The following ROPN1B variants were observed in gnomAD, a reference collection of about 807,000 sequenced individuals.
ROPN1B encodes the protein rhophilin associated tail protein 1B.
Under a neutral mutation model 23.7 loss-of-function variants are expected in ROPN1B, and 13 were observed. The observed-to-expected ratio is 0.55, with a 90% CI of 0.36 to 0.87. The LOEUF (loss-of-function observed/expected upper bound fraction) is 0.87, where lower values mean the gene tolerates loss of function less well. Among genes scored for constraint, ROPN1B ranks in the 40% least tolerant of loss-of-function variants. The pLI, the probability that ROPN1B is intolerant of heterozygous loss-of-function variation, is 0.01. For missense variants in ROPN1B, 183 were observed against 249.2 expected, an observed-to-expected ratio of 0.73 and a Z score of 1.79; for synonymous variants, 67 against 100.4, an observed-to-expected ratio of 0.67 and a Z score of 1.99.
At chr3:125,978,462 C>G (rs138072158) in intron 5 of ROPN1B, among the ~76,000 whole-genome samples, 4,139 of 152,264 alleles carry the variant, frequency 0.027, 170 homozygotes, top group African/African-American at 0.09. Context: ...GATGCAGTAA[C>G]TGAAACAGCC....
rs754467615 is a variant in ROPN1B, at chr3:125,972,102, A to T, written c.48A>T (p.Lys16Asn). The T allele has an allele frequency of 4.4e-5, 71 of 1,614,242 alleles. No homozygotes were observed. The highest frequency in any genetic ancestry group is 6.0e-5 in the Non-Finnish European group (71 of 1,180,046). Reference protein sequence around the residue: ...KPTCIPPELPKMLKEFAKAAI... With the variant: ...KPTCIPPELPNMLKEFAKAAI... Reference sequence around the variant, plus strand: ...CATGCATCCCGCCGGAGCTGCCGAAAATGCTGAAGGAGTTTGCCAAAGCCG... The same window carrying T: ...CATGCATCCCGCCGGAGCTGCCGAATATGCTGAAGGAGTTTGCCAAAGCCG... Residue 16 changes from lysine to asparagine, a missense_variant, in exon 3 of 7, where the codon AAA becomes AAT. Transcript: ENST00000514116.
intron 1 of ROPN1B, chr3:125,969,886 A>G (rs1317591054): frequency 4.0e-5 from 6 of 149,586 alleles, no homozygotes; most frequent in South Asian, 2.1e-4. Flanking sequence ...CTCCTATCAC[A>G]TATTATTTTA....
rs778327051 is a variant in ROPN1B, at chr3:125,983,286, A to G, written c.605A>G (p.Asp202Gly). ...IGPDGLITVN[D>G]FTQNPRVWLE ...CCTGATGGTTTAATCACGGTGAATG[A>G]CTTTACCCAAAACCCCAGGGTTTGG... Residue 202 changes from aspartate to glycine, a missense_variant, in exon 7 of 7, where the codon GAC (aspartate) becomes GGC (glycine). Around this residue, in one of 3 missense-constraint regions of ROPN1B, gnomAD observed 80 missense variants for 98.0 expected, o/e 0.82. Transcript: ENST00000514116. 1.2e-6 allele frequency: 2 copies of G among 1,613,780 alleles called. No homozygotes were observed. The highest frequency in any genetic ancestry group is 1.1e-5 in the South Asian group (1 of 91,054).
At chr3:125,973,344 T>C (rs931057523) in intron 3 of ROPN1B, 11 of 235,292 alleles carry the variant, frequency 4.7e-5, no homozygotes, top group Non-Finnish European at 8.5e-5. Context: ...GCTTTTACAA[T>C]TGGAAGGAAA....
intron 5 of ROPN1B, among the ~76,000 whole-genome samples, chr3:125,979,861 C>T (rs2107607055): frequency 6.6e-6 from 1 of 152,310 alleles, no homozygotes; most frequent in South Asian, 2.1e-4. Context: ...CCATCTTGAG[C>T]TCTCTGCGTC....
chr3:125,971,045 G>A (rs1345677043), intron 1 of ROPN1B, 72 bp from the exon 2 acceptor site: 3 of 153,654 alleles, frequency 2.0e-5, no homozygotes, highest in Non-Finnish European at 2.9e-5. Context: ...GTTTAGGTCA[G>A]AAGGGGAGTC....
chr3:125,973,778 C>T (rs1034036190), intron 3 of ROPN1B: 7 of 152,338 alleles, frequency 4.6e-5, no homozygotes, highest in Non-Finnish European at 8.8e-5. Context: ...AAGCACTGCT[C>T]AGATGGTTGT....
Position 125,982,381 on chromosome 3 carries a change from G to A in ROPN1B, c.508G>A (p.Glu170Lys), listed in dbSNP as rs751557334. 22 of 1,613,182 alleles carry A rather than the reference G, an allele frequency of 1.4e-5. No homozygotes were observed. The highest frequency in any genetic ancestry group is 1.8e-5 in the Non-Finnish European group (21 of 1,179,694). The change falls in exon 6 of 7, where the codon GAA (glutamate) becomes AAA (lysine). Residue 170 changes from glutamate to lysine, a missense_variant. Transcript: ENST00000514116. ...CCAGTTTCTCTACACGTATATTGCC[G>A]AAGTGGATGGGGAGATCTGTGCATC... ...TFQFLYTYIA[E>K]VDGEICASHV...
In ROPN1B at chr3:125,972,059, C is replaced by T; in HGVS notation, c.5C>T (p.Ala2Val). 2.5e-6 allele frequency: 4 copies of T among 1,614,106 alleles called. No homozygotes were observed. Among genetic ancestry groups the T allele is most frequent in the Non-Finnish European group, 3.4e-6 (4 of 1,179,988 alleles). ...TGAGAATAGGTCAACCAATCAATGGCTCAGACAGATAAGCCAACATGCATC... is the reference window on the plus strand; with the variant it reads ...TGAGAATAGGTCAACCAATCAATGGTTCAGACAGATAAGCCAACATGCATC... M[A>V]QTDKPTCIPP... Residue 2 changes from alanine to valine, a missense_variant, in exon 3 of 7, where the codon GCT becomes GTT. Physicochemically the swap from Ala to Val is moderately conservative, Grantham distance 64. This residue lies in a region of ROPN1B where 97 missense variants were observed against 99.6 expected (regional missense o/e 0.97). Transcript: ENST00000514116.
At chr3:125,975,033 G>A (rs1363259339) in intron 3 of ROPN1B, among the ~76,000 whole-genome samples, 1 of 152,076 alleles carries the variant, frequency 6.6e-6, no homozygotes, top group Non-Finnish European at 1.5e-5. Flanking sequence ...AGTCTGGAGT[G>A]TAGTGGCACA....
At chr3:125,972,265 G>GC (rs1938243238) in intron 3 of ROPN1B, 95 bp downstream of exon 3, 3 of 1,157,606 alleles carry the variant, frequency 2.6e-6, no homozygotes, top group Non-Finnish European at 3.8e-6. Context: ...CAGCCAGGGG[G>GC]TCGGGACTAA....
At chr3:125,982,827 A>C (rs1329837582) in intron 6 of ROPN1B, among the ~76,000 whole-genome samples, 1 of 152,118 alleles carries the variant, frequency 6.6e-6, no homozygotes, top group Non-Finnish European at 1.5e-5. Flanking sequence ...ACAGAAGTGG[A>C]GGAGGAGGAT....
intron 3 of ROPN1B, chr3:125,972,667 T>TC (rs1938261078): frequency 5.5e-6 from 2 of 361,858 alleles, no homozygotes; most frequent in African/African-American, 4.2e-5. Context: ...AGACACTTCC[T>TC]CCCCTGCTGT....
At chr3:125,973,901 T>C (rs944099939) in intron 3 of ROPN1B, 1 of 153,744 alleles carries the variant, frequency 6.5e-6, no homozygotes, top group African/African-American at 2.4e-5. Context: ...ACATATGTGT[T>C]GTCAATGAAG....
intron 3 of ROPN1B, among the ~76,000 whole-genome samples, chr3:125,974,930 A>G (rs1212076316): frequency 6.6e-6 from 1 of 152,144 alleles, no homozygotes; most frequent in Non-Finnish European, 1.5e-5. Context: ...ACATACGGCC[A>G]GAAATCCTTC....
chr3:125,970,537 G>A (rs945745861), intron 1 of ROPN1B, among the ~76,000 whole-genome samples: 2 of 152,102 alleles, frequency 1.3e-5, no homozygotes, highest in South Asian at 4.2e-4. Context: ...ACGTTGGGCT[G>A]CCATTTCACA....
intron 5 of ROPN1B, among the ~76,000 whole-genome samples, chr3:125,981,775 T>C (rs934666144): frequency 8.5e-5 from 13 of 152,192 alleles, no homozygotes; most frequent in Non-Finnish European, 1.8e-4. Context: ...TTTATCTTGA[T>C]GTTCAAGACC....
At position 125,972,989 on chromosome 3, in the gene ROPN1B, A is replaced by G. The variant is rs573452696; in HGVS notation, c.116+819A>G. 120 of 387,398 alleles carry G rather than the reference A, an allele frequency of 3.1e-4. 2 individuals carry two copies. Among genetic ancestry groups the G allele is most frequent in the South Asian group, 2.2e-3 (112 of 51,836 alleles). The allele number at this position is 387,398 out of a possible 1,614,324, so 24.0% of individuals were successfully genotyped here. On this transcript the variant is annotated intron_variant, in intron 3 of 6. Coordinates refer to ENST00000514116, the MANE Select transcript of ROPN1B (RefSeq NM_001308313.2). ...GCACAGAAAGCCTCTCAGCTATGAAATTGCTCCTTGGACAAACTTGCCTGC... is the reference window on the plus strand; with the variant it reads ...GCACAGAAAGCCTCTCAGCTATGAAGTTGCTCCTTGGACAAACTTGCCTGC...
At chr3:125,973,029 C>T in intron 3 of ROPN1B, 1 of 372,706 alleles carries the variant, frequency 2.7e-6, no homozygotes, top group South Asian at 2.0e-5. Context: ...AACTGGGGAA[C>T]CAGGACTTGA....
Sources: gnomAD v4.1 joint callset for allele counts (sites outside exome capture counted in the v4.1 genomes callset) on GRCh38, gnomAD v4.1.1 for gene constraint, gnomAD v4.1.1 regional missense constraint, MANE v1.5 for transcripts, NCBI Gene and HGNC (gene_info 2026-07-23, HGNC 2026-07-21) for gene names.